Variants in THSD7B observed in about 807,000 individuals in gnomAD.
THSD7B encodes thrombospondin type 1 domain containing 7B.
A neutral mutation model predicts 213.6 loss-of-function variants in THSD7B; 138 were observed. That is an observed-to-expected ratio of 0.65 (90% CI 0.56 to 0.74). THSD7B has a LOEUF of 0.74. THSD7B is among the 30% of genes least tolerant of loss of function. The probability of loss-of-function intolerance (pLI) is 0.00; values close to 1 mark genes in which losing one functional copy is unlikely to be tolerated. For missense variants in THSD7B, 1,931 were observed against 1,991.5 expected (o/e 0.97, Z 0.58); for synonymous variants, 742 against 687.0 (o/e 1.08, Z -1.25).
intron 15 of THSD7B, among the ~76,000 whole-genome samples, chr2:137,465,635 C>T (rs1315855145): frequency 6.6e-6 from 1 of 152,110 alleles, no homozygotes; most frequent in Non-Finnish European, 1.5e-5. Context: ...CATCATTGTT[C>T]TTTCCTACTT....
In THSD7B at chr2:136,922,193, A is replaced by G. The variant is rs1276685457; in HGVS notation, c.139+39876A>G. 4.6e-5 allele frequency among the ~76,000 whole-genome samples: 7 copies of G among 152,332 alleles called. No homozygotes were observed. In the East Asian group the frequency reaches 7.7e-4, roughly 17 times the overall value. On this transcript the variant is annotated intron_variant, in intron 2 of 27. Coordinates refer to ENST00000409968, the MANE Select transcript of THSD7B (RefSeq NM_001316349.2). ...ATTCCCAGTTGGCTGCCTGGTCCAC[A>G]TAGGAACTCAGTATGGATGGCCACT...
intron 1 of THSD7B, among the ~76,000 whole-genome samples, chr2:136,838,784 G>A (rs186459756): frequency 6.6e-6 from 1 of 152,088 alleles, no homozygotes; most frequent in Non-Finnish European, 1.5e-5. Flanking sequence ...GACCTGATTT[G>A]CATGTGCTTT....
At chr2:137,585,032 T>C (rs956174803) in intron 17 of THSD7B, among the ~76,000 whole-genome samples, 7 of 152,196 alleles carry the variant, frequency 4.6e-5, no homozygotes, top group African/African-American at 1.7e-4. Flanking sequence ...TATTGGTCTA[T>C]TGAGGGATTC....
intron 5 of THSD7B, among the ~76,000 whole-genome samples, chr2:137,152,006 A>ATT (rs201462563): frequency 1.1e-4 from 15 of 137,634 alleles, no homozygotes; most frequent in Admixed American, 7.2e-4. Context: ...AGCTACCTTA[A>ATT]TTTTTTTTTT....
intron 12 of THSD7B, among the ~76,000 whole-genome samples, chr2:137,321,922 G>A (rs531087163): frequency 6.6e-6 from 1 of 152,174 alleles, no homozygotes; most frequent in East Asian, 1.9e-4. Flanking sequence ...ATAGTGAGAT[G>A]CATTGGCTTT....
chr2:137,235,183 A>G (rs1396038555), intron 9 of THSD7B, among the ~76,000 whole-genome samples: 1 of 152,220 alleles, frequency 6.6e-6, no homozygotes, highest in Admixed American at 6.5e-5. Context: ...ATTGAAGCCT[A>G]GATAATGTTT....
intron 2 of THSD7B, among the ~76,000 whole-genome samples, chr2:136,986,102 A>G (rs939272780): frequency 1.3e-5 from 2 of 152,220 alleles, no homozygotes; most frequent in African/African-American, 4.8e-5. Flanking sequence ...TTGATCTCAC[A>G]GGCTCATAGG....
At chr2:136,936,519 C>T (rs1684733316) in intron 2 of THSD7B, among the ~76,000 whole-genome samples, 1 of 152,084 alleles carries the variant, frequency 6.6e-6, no homozygotes, top group Non-Finnish European at 1.5e-5. Context: ...TGGCATTTGC[C>T]ACAACCTGGA....
Position 137,378,075 on chromosome 2 carries a change from A to G in THSD7B, c.2501-27538A>G, listed in dbSNP as rs189996505. On this transcript the variant is annotated intron_variant, in intron 12 of 27. Transcript: ENST00000409968. ...GAATTATTTTTAATGGAAGAAAGTCAACTGAAATAAATGGAGCTACTCCAA... is the reference window on the plus strand; with the variant it reads ...GAATTATTTTTAATGGAAGAAAGTCGACTGAAATAAATGGAGCTACTCCAA... Among the ~76,000 whole-genome samples, 546 of 152,290 alleles carry G rather than the reference A, an allele frequency of 3.6e-3. 3 individuals carry two copies. Among genetic ancestry groups the G allele is most frequent in the African/African-American group, 0.012 (511 of 41,568 alleles).
At chr2:137,025,200 C>T (rs967677329) in intron 2 of THSD7B, among the ~76,000 whole-genome samples, 10 of 152,162 alleles carry the variant, frequency 6.6e-5, no homozygotes, top group Non-Finnish European at 1.2e-4. Context: ...CTATGCCTCC[C>T]TTCACACTGG....
chr2:137,208,061 A>T lies in THSD7B; in HGVS notation c.1724-22983A>T, dbSNP rs1681022807. 2.6e-5 allele frequency among the ~76,000 whole-genome samples: 4 copies of T among 152,116 alleles called. No individual in the cohort carries two copies. In the South Asian group the frequency reaches 8.3e-4, roughly 31 times the overall value. On this transcript the variant is annotated intron_variant, in intron 7 of 27. Transcript: ENST00000409968. Reference sequence around the variant, plus strand: ...GGAGGAAGAGAGTTTTTAATTCTGTAACCGGCTACAGTGAGAAGTCCTGGA... The same window carrying T: ...GGAGGAAGAGAGTTTTTAATTCTGTTACCGGCTACAGTGAGAAGTCCTGGA...
At chr2:137,531,561 A>C (rs1680397626) in intron 15 of THSD7B, among the ~76,000 whole-genome samples, 2 of 151,906 alleles carry the variant, frequency 1.3e-5, no homozygotes, top group African/African-American at 4.8e-5. Flanking sequence ...ATTGCATGGA[A>C]ATTTATATAA....
chr2:136,915,321 G>A (rs1206025337), intron 2 of THSD7B, among the ~76,000 whole-genome samples: 1 of 152,240 alleles, frequency 6.6e-6, no homozygotes, highest in African/African-American at 2.4e-5. Context: ...TCCAGAGATG[G>A]AGACAGGACT....
At chr2:136,847,639 G>A (rs1683032452) in intron 1 of THSD7B, among the ~76,000 whole-genome samples, 1 of 152,036 alleles carries the variant, frequency 6.6e-6, no homozygotes, top group South Asian at 2.1e-4. Flanking sequence ...TATGATTGCT[G>A]GCTGATTCTC....
At chr2:137,042,410 T>C (rs1188873309) in intron 2 of THSD7B, among the ~76,000 whole-genome samples, 1 of 152,208 alleles carries the variant, frequency 6.6e-6, no homozygotes, top group Non-Finnish European at 1.5e-5. Context: ...CTCTTTTTTT[T>C]CCTCCAGGAA....
At chr2:136,881,554 T>C (rs1440634246) in intron 1 of THSD7B, among the ~76,000 whole-genome samples, 1 of 152,146 alleles carries the variant, frequency 6.6e-6, no homozygotes. Context: ...GCAGTCAAAG[T>C]CAGTTTTTAT....
At chr2:136,792,741 C>G (rs1370277476) in intron 1 of THSD7B, among the ~76,000 whole-genome samples, 1 of 151,932 alleles carries the variant, frequency 6.6e-6, no homozygotes, top group Non-Finnish European at 1.5e-5. Context: ...ATTATAAATC[C>G]CCATTTCAAA....
At chr2:137,388,876 C>G (rs1685952719) in intron 12 of THSD7B, among the ~76,000 whole-genome samples, 1 of 151,994 alleles carries the variant, frequency 6.6e-6, no homozygotes, top group Admixed American at 6.6e-5. Context: ...GATCAGTATT[C>G]TATTGTGTAT....
chr2:137,068,989 C>T (rs770022196), intron 3 of THSD7B, among the ~76,000 whole-genome samples: 36 of 151,976 alleles, frequency 2.4e-4, no homozygotes, highest in African/African-American at 7.5e-4. Flanking sequence ...TTTTGATAAT[C>T]GCCTCAAACG....
Sources: allele counts gnomAD v4.1 joint callset (sites outside exome capture counted in the v4.1 genomes callset), GRCh38; gene constraint gnomAD v4.1.1; transcripts MANE v1.5; gene names NCBI Gene and HGNC (gene_info 2026-07-23, HGNC 2026-07-21).